NEDD4: variants seen among roughly 807,000 people sequenced by gnomAD.
NEDD4 encodes the protein NEDD4 E3 ubiquitin protein ligase, also known as E3 ubiquitin-protein ligase NEDD4.
In NEDD4, 99 loss-of-function variants were observed where a neutral mutation model predicts 144.9. The ratio of observed to expected loss-of-function variants is 0.68; its 90% CI spans 0.58 to 0.81. The LOEUF (loss-of-function observed/expected upper bound fraction) is 0.81. Ranked by LOEUF, NEDD4 falls within the 30% of genes least tolerant of loss-of-function variation. The pLI is 0.00. For missense variants in NEDD4, 985 were observed against 1,065.9 expected, an observed-to-expected ratio of 0.92 and a Z score of 1.06; for synonymous variants, 318 against 350.6, an observed-to-expected ratio of 0.91 and a Z score of 1.04.
chr15:55,866,278 T>G (rs1438725673), intron 8 of NEDD4, among the ~76,000 whole-genome samples: 1 of 152,020 alleles, frequency 6.6e-6, no homozygotes, highest in Non-Finnish European at 1.5e-5. Context: ...TTTTTTCTTT[T>G]TATTGCCCAA....
At chr15:55,842,321 G>A (rs1407609584) in intron 18 of NEDD4, among the ~76,000 whole-genome samples, 158 bp from the exon 19 acceptor site, 1 of 152,058 alleles carries the variant, frequency 6.6e-6, no homozygotes, top group Admixed American at 6.6e-5. Context: ...ATATTGTCTT[G>A]GTTTCCTCTA....
chr15:55,961,478 T>C (rs2037425810), intron 2 of NEDD4, among the ~76,000 whole-genome samples: 1 of 151,972 alleles, frequency 6.6e-6, no homozygotes. Context: ...TTATTATTAT[T>C]ATTATTATTT....
intron 2 of NEDD4, among the ~76,000 whole-genome samples, chr15:55,965,269 T>C (rs2037493117): frequency 1.3e-5 from 2 of 151,724 alleles, no homozygotes; most frequent in African/African-American, 4.8e-5. Flanking sequence ...CACAATCTTG[T>C]CTCACTGCAG....
chr15:55,849,685 ATTATT>A (rs1361618177), intron 14 of NEDD4, among the ~76,000 whole-genome samples: 1 of 150,280 alleles, frequency 6.7e-6, no homozygotes, highest in Non-Finnish European at 1.5e-5. Flanking sequence ...ATTTATATAT[ATTATT>A]TTAATATTAT....
At position 55,872,109 on chromosome 15, in the gene NEDD4, A is replaced by AT. The variant is rs553641556; in HGVS notation, c.404+305dup. Reference sequence around the variant, plus strand: ...GGTTTTAGATGAATTCATGTTTGTGATTTTTTAAAGCATAGTATGACAATA... The same window carrying AT: ...GGTTTTAGATGAATTCATGTTTGTGATTTTTTTAAAGCATAGTATGACAATA... On this transcript the variant is annotated intron_variant, in intron 7 of 28. Transcript: ENST00000435532. Among the ~76,000 whole-genome samples the AT allele has an allele frequency of 2.5e-4, 38 of 152,136 alleles. 1 individual carries two copies. The South Asian group carries it at 2.7e-3, about 11-fold the overall frequency.
rs552887028 is a variant in NEDD4, at chr15:55,946,596, A to G, written c.237+4780T>C. 4.3e-4 allele frequency among the ~76,000 whole-genome samples: 66 copies of G among 152,330 alleles called. 1 individual carries two copies. The Middle Eastern group carries it at 0.01, about 24-fold the overall frequency. On this transcript the variant is annotated intron_variant, in intron 4 of 28. Coordinates refer to ENST00000435532, the MANE Select transcript of NEDD4 (RefSeq NM_006154.4). ...CCCCACTGTCAACATTAGACAGATC[A>G]ATGAGACAGAAAGTTAACAAGGATA... is the stretch of plus-strand genomic sequence containing the variant.
At chr15:55,941,958 G>C (rs771426339) in intron 4 of NEDD4, among the ~76,000 whole-genome samples, 4 of 151,990 alleles carry the variant, frequency 2.6e-5, no homozygotes, top group Non-Finnish European at 4.4e-5. Context: ...ATGTTCCATG[G>C]GCATATAAAA....
At chr15:55,990,080 G>T (rs927118842) in intron 1 of NEDD4, among the ~76,000 whole-genome samples, 1 of 151,396 alleles carries the variant, frequency 6.6e-6, no homozygotes, top group African/African-American at 2.4e-5. Flanking sequence ...TCCCATTACC[G>T]TCACCCACAC....
intron 5 of NEDD4, among the ~76,000 whole-genome samples, chr15:55,900,731 A>G (rs771311271): frequency 2.6e-5 from 4 of 152,220 alleles, no homozygotes; most frequent in African/African-American, 9.6e-5. Flanking sequence ...AAGAGTAACT[A>G]TATAAATGTA....
rs1190300043 is a variant in NEDD4 at position 55,900,692 on chromosome 15, T to C, written c.291+23954A>G. Among the ~76,000 whole-genome samples the C allele has an allele frequency of 4.6e-5, 7 of 152,178 alleles. No homozygotes were observed. In the East Asian group the frequency reaches 1.3e-3, roughly 29 times the overall value. The stretch of plus-strand genomic sequence containing the variant: ...AAAATTGAGTTGCTTATATGAATCA[T>C]ACAAAATTGAGCTTTTATGTATGTC... On this transcript the variant is annotated intron_variant, in intron 5 of 28. Transcript: ENST00000435532.
At chr15:55,916,890 A>G in intron 5 of NEDD4, 2 of 1,532,220 alleles carry the variant, frequency 1.3e-6, no homozygotes, top group Middle Eastern at 1.8e-4. Flanking sequence ...CTCTGTCCGT[A>G]GACAGGCTAG....
chr15:55,941,857 G>C (rs1287475454), intron 4 of NEDD4, among the ~76,000 whole-genome samples: 2 of 152,174 alleles, frequency 1.3e-5, no homozygotes, highest in African/African-American at 4.8e-5. Context: ...ATAGGCGTGA[G>C]CCATTGCGCC....
At chr15:55,869,419 C>G (rs1229101979) in intron 8 of NEDD4, among the ~76,000 whole-genome samples, 160 bp downstream of exon 8, 2 of 152,150 alleles carry the variant, frequency 1.3e-5, no homozygotes, top group Non-Finnish European at 2.9e-5. Context: ...ACGGAAATAT[C>G]CTTAGAGGGA....
chr15:55,906,600 A>G (rs1316250945), intron 5 of NEDD4, among the ~76,000 whole-genome samples: 5 of 147,054 alleles, frequency 3.4e-5, no homozygotes, highest in South Asian at 2.3e-4. Context: ...CTTGGACACA[A>G]GAAGGGGAAC....
At chr15:55,926,088 A>ATTTT (rs1189776158) in intron 4 of NEDD4, among the ~76,000 whole-genome samples, 5 of 152,126 alleles carry the variant, frequency 3.3e-5, no homozygotes, top group Non-Finnish European at 5.9e-5. Context: ...ATACATATAC[A>ATTTT]TACTGTACAT....
At chr15:55,971,621 T>C (rs2037610931) in intron 1 of NEDD4, among the ~76,000 whole-genome samples, 1 of 90,872 alleles carries the variant, frequency 1.1e-5, no homozygotes, top group African/African-American at 5.1e-5. Flanking sequence ...TGAGACTCTG[T>C]CTCAAAAAAA....
At chr15:55,971,277 A>C (rs1319135664) in intron 1 of NEDD4, among the ~76,000 whole-genome samples, 1 of 152,138 alleles carries the variant, frequency 6.6e-6, no homozygotes, top group Non-Finnish European at 1.5e-5. Flanking sequence ...AAAAAGAATA[A>C]AAGTAACAAA....
intron 4 of NEDD4, among the ~76,000 whole-genome samples, chr15:55,936,909 C>T (rs1296875953): frequency 1.3e-5 from 2 of 151,944 alleles, no homozygotes; most frequent in African/African-American, 2.4e-5. Context: ...TCTCCTGCCT[C>T]ACCCTCTTGA....
chr15:55,870,511 T>TTTC (rs1225194704), intron 7 of NEDD4, among the ~76,000 whole-genome samples: 20 of 138,108 alleles, frequency 1.4e-4, no homozygotes, highest in African/African-American at 8.0e-5. Flanking sequence ...CTGCTTTTTT[T>TTTC]TTCTTCTTCT....
Sources: allele counts gnomAD v4.1 joint callset (sites outside exome capture counted in the v4.1 genomes callset), GRCh38; gene constraint gnomAD v4.1.1; transcripts MANE v1.5; gene names NCBI Gene and HGNC (gene_info 2026-07-23, HGNC 2026-07-21).